CCDC85A: variants seen among roughly 807,000 people sequenced by gnomAD.
The protein encoded by CCDC85A is coiled-coil domain-containing protein 85A.
Under a neutral mutation model 50.2 loss-of-function variants are expected in CCDC85A, and 38 were observed. The observed-to-expected ratio is 0.76, with a 90% CI of 0.58 to 0.99. The LOEUF is 0.99. Ranked by LOEUF, CCDC85A falls within the 50% of genes least tolerant of loss-of-function variation. The pLI, the probability that CCDC85A is intolerant of heterozygous loss-of-function variation, is 0.00. For missense variants in CCDC85A, 820 were observed against 742.0 expected (o/e 1.11, Z -1.22); for synonymous variants, 366 against 301.4 (o/e 1.21, Z -2.22).
At chr2:56,346,355 G>T (rs1674630709) in intron 3 of CCDC85A, among the ~76,000 whole-genome samples, 1 of 152,170 alleles carries the variant, frequency 6.6e-6, no homozygotes, top group Non-Finnish European at 1.5e-5. Context: ...GTAAATAAAG[G>T]CTTGGGCCCA....
At chr2:56,366,879 A>C (rs570477877) in intron 3 of CCDC85A, among the ~76,000 whole-genome samples, 1 of 151,940 alleles carries the variant, frequency 6.6e-6, no homozygotes, top group Non-Finnish European at 1.5e-5. Context: ...TATTTCTTTC[A>C]TCTTTTATGA....
chr2:56,219,344 G>A (rs1990757), intron 2 of CCDC85A, among the ~76,000 whole-genome samples: 126,144 of 150,764 alleles, frequency 0.84, 52,825 homozygotes, highest in Admixed American at 0.85. Context: ...CTTAGAGGAC[G>A]TTCTTCGAAC....
chr2:56,291,949 C>G (rs2104148882), intron 2 of CCDC85A, among the ~76,000 whole-genome samples: 1 of 152,110 alleles, frequency 6.6e-6, no homozygotes, highest in Admixed American at 6.5e-5. Context: ...CTAGCTTGCA[C>G]TACAGTGGTA....
chr2:56,319,543 G>C (rs1363282407), intron 2 of CCDC85A, among the ~76,000 whole-genome samples: 2 of 152,092 alleles, frequency 1.3e-5, no homozygotes, highest in African/African-American at 4.8e-5. Context: ...TTTCGATGCT[G>C]ATAAAAGTAA....
intron 2 of CCDC85A, among the ~76,000 whole-genome samples, chr2:56,227,291 T>G (rs1244103154): frequency 6.6e-6 from 1 of 152,216 alleles, no homozygotes; most frequent in Non-Finnish European, 1.5e-5. Context: ...CTGAGAATGT[T>G]AATCAAGGTC....
rs1259086190 is a variant in CCDC85A, at chr2:56,265,384, CATAACA to C, written c.1240+71946_1240+71951del. On this transcript the variant is annotated intron_variant, in intron 2 of 5. Transcript: ENST00000407595. The stretch of plus-strand genomic sequence containing the variant: ...AATATATAAGGAACTAAATCTACTT[CATAACA>C]AGAAAACAAATAACCCTATTTTAAA... Among the ~76,000 whole-genome samples, 8 of 151,592 alleles carry C rather than the reference CATAACA, an allele frequency of 5.3e-5. No individual in the cohort carries two copies. In the East Asian group the frequency reaches 1.6e-3, roughly 29 times the overall value.
At chr2:56,367,273 G>A (rs1218288830) in intron 3 of CCDC85A, among the ~76,000 whole-genome samples, 1 of 152,128 alleles carries the variant, frequency 6.6e-6, no homozygotes, top group Non-Finnish European at 1.5e-5. Flanking sequence ...GATGATATGG[G>A]TATTTTCAAT....
rs937561838 is a variant in CCDC85A at position 56,184,615 on chromosome 2, C to T, written c.-10C>T. On this transcript the variant is annotated 5_prime_UTR_variant, in exon 1 of 6. Coordinates refer to ENST00000407595, the MANE Select transcript of CCDC85A (RefSeq NM_001080433.2). Reference sequence around the variant, plus strand: ...TTCCACCCACTTGCACCTGCCACCCCGCGGATACCATGTCGAAGGCGGCCG... The same window carrying T: ...TTCCACCCACTTGCACCTGCCACCCTGCGGATACCATGTCGAAGGCGGCCG... The T allele has an allele frequency of 2.2e-5, 31 of 1,417,268 alleles. No homozygotes were observed. The highest frequency in any genetic ancestry group is 2.6e-4 in the Middle Eastern group (1 of 3,846). The allele number at this position is 1,417,268 out of a possible 1,614,324, so 87.8% of individuals were successfully genotyped here.
chr2:56,223,433 C>T (rs1471117360), intron 2 of CCDC85A, among the ~76,000 whole-genome samples: 1 of 152,088 alleles, frequency 6.6e-6, no homozygotes, highest in Admixed American at 6.6e-5. Flanking sequence ...TTGAATTTGG[C>T]CTCTATGGAG....
At chr2:56,366,084 G>T (rs535211301) in intron 3 of CCDC85A, among the ~76,000 whole-genome samples, 51 of 152,250 alleles carry the variant, frequency 3.3e-4, no homozygotes, top group Non-Finnish European at 6.3e-4. Context: ...ACAAGTGACA[G>T]GATTTCCTTC....
chr2:56,378,014 T>G (rs954927183), intron 5 of CCDC85A, among the ~76,000 whole-genome samples: 2 of 152,176 alleles, frequency 1.3e-5, no homozygotes, highest in Non-Finnish European at 2.9e-5. Flanking sequence ...ATTAGAAAAC[T>G]GGGGACCCTT....
intron 2 of CCDC85A, among the ~76,000 whole-genome samples, chr2:56,277,752 C>T (rs538686360): frequency 2.2e-4 from 33 of 152,346 alleles, no homozygotes; most frequent in African/African-American, 7.9e-4. Context: ...CCCTTAGGCG[C>T]AGAGTCTCCT....
chr2:56,371,037 A>T (rs965859955), intron 3 of CCDC85A, among the ~76,000 whole-genome samples: 8 of 152,114 alleles, frequency 5.3e-5, no homozygotes, highest in African/African-American at 1.9e-4. Flanking sequence ...ATTTTTGGAG[A>T]TAATTCTTTT....
chr2:56,314,902 C>T (rs1003444188), intron 2 of CCDC85A, among the ~76,000 whole-genome samples: 1 of 152,112 alleles, frequency 6.6e-6, no homozygotes, highest in African/African-American at 2.4e-5. Context: ...GTCCCTGGTT[C>T]CCAGATCATC....
At chr2:56,262,824 T>C (rs564226229) in intron 2 of CCDC85A, among the ~76,000 whole-genome samples, 5 of 152,320 alleles carry the variant, frequency 3.3e-5, no homozygotes, top group Admixed American at 6.5e-5. Context: ...AGTTCACATA[T>C]AGAAAATACA....
intron 2 of CCDC85A, among the ~76,000 whole-genome samples, chr2:56,326,125 GTGAGGAC>G (rs1254518293): frequency 6.6e-6 from 1 of 152,090 alleles, no homozygotes; most frequent in Non-Finnish European, 1.5e-5. Context: ...TTCTCCAGCA[GTGAGGAC>G]TATTTATAAT....
In CCDC85A at chr2:56,282,698, C is replaced by T. The variant is rs77773585; in HGVS notation, c.1241-60181C>T. ...CTAATTTTTGTATTTTTAGTAGAGACGGGGTTTCACCATGTTGGCCAGGCT... is the reference window on the plus strand; with the variant it reads ...CTAATTTTTGTATTTTTAGTAGAGATGGGGTTTCACCATGTTGGCCAGGCT... On this transcript the variant is annotated intron_variant, in intron 2 of 5. Coordinates refer to ENST00000407595, the MANE Select transcript of CCDC85A (RefSeq NM_001080433.2). 2.0e-3 allele frequency among the ~76,000 whole-genome samples: 300 copies of T among 152,180 alleles called. 1 individual carries two copies. Among genetic ancestry groups the T allele is most frequent in the African/African-American group, 6.6e-3 (274 of 41,536 alleles).
chr2:56,197,988 G>C (rs1326698737), intron 2 of CCDC85A, among the ~76,000 whole-genome samples: 1 of 151,636 alleles, frequency 6.6e-6, no homozygotes, highest in Non-Finnish European at 1.5e-5. Flanking sequence ...CAATGCTAAT[G>C]GGTATTTCCC....
rs773078371 is a variant in CCDC85A at position 56,189,295 on chromosome 2, G to GTATTTTTT, written c.277-3181_277-3180insATTTTTTT. 3.1e-4 allele frequency among the ~76,000 whole-genome samples: 31 copies of GTATTTTTT among 100,432 alleles called. 1 individual carries two copies. The highest frequency in any genetic ancestry group is 3.6e-4 in the African/African-American group (8 of 22,344). The allele number at this position is 100,432 out of a possible 152,430, so 65.9% of individuals were successfully genotyped here. Reference sequence around the variant, plus strand: ...GCAAAACATGCACGGGGTATTTTTGGTGTTTTTTTTTTTTTTTGAGACAAG... The same window carrying GTATTTTTT: ...GCAAAACATGCACGGGGTATTTTTGGTATTTTTTTGTTTTTTTTTTTTTTTGAGACAAG... On this transcript the variant is annotated intron_variant, in intron 1 of 5. Coordinates refer to ENST00000407595, the MANE Select transcript of CCDC85A (RefSeq NM_001080433.2).
Sources: gnomAD v4.1 joint callset for allele counts (sites outside exome capture counted in the v4.1 genomes callset) on GRCh38, gnomAD v4.1.1 for gene constraint, MANE v1.5 for transcripts, NCBI Gene and HGNC (gene_info 2026-07-23, HGNC 2026-07-21) for gene names.